NIPAL2: variants seen among roughly 807,000 people sequenced by gnomAD.
The protein encoded by NIPAL2 is NIPA like domain containing 2.
Under a neutral mutation model 48.9 loss-of-function variants are expected in NIPAL2, and 43 were observed. The ratio of observed to expected loss-of-function variants is 0.88; its 90% CI spans 0.69 to 1.13. NIPAL2 has a LOEUF of 1.13. Ranked by LOEUF, NIPAL2 falls within the 50% of genes most tolerant of loss-of-function variation. The pLI, the probability that NIPAL2 is intolerant of heterozygous loss-of-function variation, is 0.00. For missense variants in NIPAL2, 446 were observed against 461.4 expected, an observed-to-expected ratio of 0.97 and a Z score of 0.31; for synonymous variants, 167 against 174.6, an observed-to-expected ratio of 0.96 and a Z score of 0.34.
At chr8:98,214,312 C>T (rs796454581) in intron 5 of NIPAL2, among the ~76,000 whole-genome samples, 17 of 151,872 alleles carry the variant, frequency 1.1e-4, no homozygotes, top group African/African-American at 3.9e-4. Context: ...TATGGGTGCC[C>T]GCCACCACGC....
At chr8:98,198,564 G>T (rs1810661215) in intron 8 of NIPAL2, among the ~76,000 whole-genome samples, 1 of 152,208 alleles carries the variant, frequency 6.6e-6, no homozygotes, top group Non-Finnish European at 1.5e-5. Flanking sequence ...TTGAAAATCT[G>T]TATTTTAGTG....
At chr8:98,293,023 C>T (rs562560577) in intron 1 of NIPAL2, among the ~76,000 whole-genome samples, 12 of 152,254 alleles carry the variant, frequency 7.9e-5, no homozygotes, top group African/African-American at 2.2e-4. Context: ...ATTTATCTTA[C>T]TTATTCTTTA....
intron 5 of NIPAL2, among the ~76,000 whole-genome samples, chr8:98,217,865 G>A (rs1230487587): frequency 6.6e-6 from 1 of 151,818 alleles, no homozygotes; most frequent in African/African-American, 2.4e-5. Flanking sequence ...CAGATATATG[G>A]GTTTCTCCCA....
At chr8:98,236,853 A>C in intron 3 of NIPAL2, among the ~76,000 whole-genome samples, 1 of 54,926 alleles carries the variant, frequency 1.8e-5, no homozygotes, top group South Asian at 7.9e-4. Flanking sequence ...TCCTGTCTCA[A>C]AAAAAAAAAA....
chr8:98,254,165 T>C, intron 1 of NIPAL2, 78 bp from the exon 2 acceptor site: 1 of 1,172,878 alleles, frequency 8.5e-7, no homozygotes. Flanking sequence ...TAGGTGTTCA[T>C]TCATTTGTTC....
chr8:98,288,588 C>T (rs1026548450), intron 1 of NIPAL2, among the ~76,000 whole-genome samples: 12 of 150,072 alleles, frequency 8.0e-5, no homozygotes, highest in African/African-American at 1.2e-4. Context: ...ATGGTATTTC[C>T]AGTTCTAGAT....
intron 8 of NIPAL2, among the ~76,000 whole-genome samples, chr8:98,202,253 T>C (rs951117447): frequency 4.6e-5 from 7 of 151,864 alleles, no homozygotes; most frequent in Non-Finnish European, 1.0e-4. Flanking sequence ...AATTCAGTTT[T>C]GGATTGTACT....
chr8:98,253,886 G>A (rs1460482111), intron 2 of NIPAL2, 133 bp downstream of exon 2: 5 of 553,044 alleles, frequency 9.0e-6, no homozygotes, highest in Non-Finnish European at 1.6e-5. Flanking sequence ...TACCAATGAG[G>A]TCATAAAATA....
rs3735889 is a variant in NIPAL2 at position 98,194,874 on chromosome 8, G to A, written c.945-52C>T. 201 of 1,083,172 alleles carry A rather than the reference G, an allele frequency of 1.9e-4. 2 individuals are homozygous for A. In the East Asian group the frequency reaches 5.2e-3, roughly 28 times the overall value. The allele number at this position is 1,083,172 out of a possible 1,614,324, so 67.1% of individuals were successfully genotyped here. A position where few individuals can be genotyped will look rare whatever the true frequency, so the allele number is the denominator to read the frequency against. Reference sequence around the variant, plus strand: ...ACAAGAACACTGAAACAGACTCATGGTATTAAATAACTGAGCTCCATATTC... The same window carrying A: ...ACAAGAACACTGAAACAGACTCATGATATTAAATAACTGAGCTCCATATTC... On this transcript the variant is annotated intron_variant, in intron 9 of 10. Transcript: ENST00000430223.
rs78069275 is a variant in NIPAL2, at chr8:98,261,083, A to G, written c.136-6996T>C. ...GCTGAGGGTCCTGTCTGTTAGAAGG[A>G]AAACTAACAAACAGAAAGGACATCC... On this transcript the variant is annotated intron_variant, in intron 1 of 10. Coordinates refer to ENST00000430223, the MANE Select transcript of NIPAL2 (RefSeq NM_001321635.2). 9.6e-3 allele frequency among the ~76,000 whole-genome samples: 1,450 copies of G among 151,806 alleles called. 9 individuals carry two copies. Among genetic ancestry groups the G allele is most frequent in the Middle Eastern group, 0.034 (10 of 290 alleles).
intron 10 of NIPAL2, among the ~76,000 whole-genome samples, chr8:98,194,089 C>T (rs1223391478): frequency 6.6e-6 from 1 of 152,126 alleles, no homozygotes; most frequent in Non-Finnish European, 1.5e-5. Flanking sequence ...CCTATAGGTC[C>T]CCCTACATCC....
At chr8:98,224,992 G>T (rs1250957065) in intron 4 of NIPAL2, among the ~76,000 whole-genome samples, 1 of 151,982 alleles carries the variant, frequency 6.6e-6, no homozygotes, top group Non-Finnish European at 1.5e-5. Context: ...CTTGACATCA[G>T]GTGATCTGCC....
chr8:98,231,196 C>T (rs1262109078), intron 4 of NIPAL2, among the ~76,000 whole-genome samples: 2 of 152,168 alleles, frequency 1.3e-5, no homozygotes, highest in Admixed American at 6.5e-5. Flanking sequence ...GGTAGCTAAA[C>T]CTTGAAGGAC....
In NIPAL2 at chr8:98,203,167, T is replaced by C. The variant is rs1477973896; in HGVS notation, c.821A>G (p.Asn274Ser). 1 of 1,614,130 alleles carries C rather than the reference T, an allele frequency of 6.2e-7. No homozygotes were observed. Among genetic ancestry groups the C allele is most frequent in the South Asian group, 1.1e-5 (1 of 91,068 alleles). ...KFLNQATKLY[N>S]TTTVVPVNHI... is the part of the protein sequence containing the mutation. ...ATTAACTGGCACCACTGTTGTCGTA[T>C]TGTAGAGTTTCGTGGCTTGATTCAG... Residue 274 changes from asparagine to serine, a missense_variant, in exon 8 of 11, where the codon AAT becomes AGT. Coordinates refer to ENST00000430223, the MANE Select transcript of NIPAL2 (RefSeq NM_001321635.2).
chr8:98,282,132 T>G (rs1051665958), intron 1 of NIPAL2, among the ~76,000 whole-genome samples: 1 of 152,176 alleles, frequency 6.6e-6, no homozygotes, highest in Non-Finnish European at 1.5e-5. Flanking sequence ...TAGGGAAGCC[T>G]CGCAGGGTGA....
At chr8:98,237,770 T>A (rs1812792178) in intron 3 of NIPAL2, among the ~76,000 whole-genome samples, 1 of 152,216 alleles carries the variant, frequency 6.6e-6, no homozygotes, top group Admixed American at 6.5e-5. Flanking sequence ...TGTGACCAGC[T>A]CTAGACTCAA....
chr8:98,196,148 T>A (rs1172602470), intron 8 of NIPAL2, 143 bp from the exon 9 acceptor site: 9 of 488,182 alleles, frequency 1.8e-5, no homozygotes, highest in African/African-American at 1.6e-4. Context: ...AGCAGTTTAG[T>A]TTAAGAAAAT....
At chr8:98,253,870 T>C (rs1813731066) in intron 2 of NIPAL2, 149 bp downstream of exon 2, 5 of 493,224 alleles carry the variant, frequency 1.0e-5, no homozygotes, top group Non-Finnish European at 1.8e-5. Flanking sequence ...ATTATATTTG[T>C]GTTTATACCA....
intron 4 of NIPAL2, 40 bp from the exon 5 acceptor site, chr8:98,222,640 A>T: frequency 1.2e-6 from 2 of 1,606,246 alleles, no homozygotes; most frequent in South Asian, 2.2e-5. Flanking sequence ...ATTGAAACCA[A>T]CCTAAAGCTT....
Sources: gnomAD v4.1 joint callset for allele counts (sites outside exome capture counted in the v4.1 genomes callset) on GRCh38, gnomAD v4.1.1 for gene constraint, MANE v1.5 for transcripts, NCBI Gene and HGNC (gene_info 2026-07-23, HGNC 2026-07-21) for gene names.